SCML2: variants seen among roughly 807,000 people sequenced by gnomAD.
SCML2 encodes Scm polycomb group protein like 2.
A neutral mutation model predicts 48.4 loss-of-function variants in SCML2; 6 were observed. The ratio of observed to expected loss-of-function variants is 0.12; its 90% CI spans 0.07 to 0.24. The LOEUF is 0.24. Among genes scored for constraint, SCML2 ranks in the 10% least tolerant of loss-of-function variants. The probability of loss-of-function intolerance (pLI) is 1.00; values close to 1 mark genes in which losing one functional copy is unlikely to be tolerated. For synonymous variants in SCML2, 181 were observed against 189.5 expected (o/e 0.95, Z 0.37); for missense variants, 377 against 528.2 (o/e 0.71, Z 2.81).
chrX:18,319,290 C>T, intron 6 of SCML2, among the ~76,000 whole-genome samples: 1 of 111,259 alleles, frequency 9.0e-6, no homozygotes, highest in South Asian at 3.8e-4. Context: ...ACTCAGGAGG[C>T]TGAGGCATGA....
intron 6 of SCML2, among the ~76,000 whole-genome samples, chrX:18,308,374 G>A (rs1928835936): frequency 2.1e-5 from 2 of 94,141 alleles, no homozygotes; most frequent in Admixed American, 1.2e-4. Context: ...AGGGAGGGAG[G>A]GAGGGAAGGA....
In SCML2 at chrX:18,324,893, G is replaced by A; in HGVS notation, c.162+14C>T. On this transcript the variant is annotated intron_variant, in intron 4 of 14. Transcript: ENST00000251900. ...TAGTTTACATTAACTAACAGCTACAGAATCTTGGCATACCTGACGGAAGCA... is the reference window on the plus strand; with the variant it reads ...TAGTTTACATTAACTAACAGCTACAAAATCTTGGCATACCTGACGGAAGCA... The A allele has an allele frequency of 8.7e-7, 1 of 1,153,078 alleles. No homozygotes were observed. The highest frequency in any genetic ancestry group is 1.2e-6 in the Non-Finnish European group (1 of 845,033).
chrX:18,330,017 G>A (rs1221832161), intron 3 of SCML2, among the ~76,000 whole-genome samples: 1 of 112,243 alleles, frequency 8.9e-6, no homozygotes, highest in Non-Finnish European at 1.9e-5. Context: ...GGTGGAGGTT[G>A]CAGTGAGCCA....
intron 1 of SCML2, among the ~76,000 whole-genome samples, chrX:18,335,813 A>C (rs895827573): frequency 8.9e-6 from 1 of 112,221 alleles, no homozygotes; most frequent in Non-Finnish European, 1.9e-5. Context: ...TTCTCCCCAA[A>C]TTAATCTGCA....
chrX:18,346,611 A>G (rs1930209919), intron 1 of SCML2, among the ~76,000 whole-genome samples: 1 of 112,402 alleles, frequency 8.9e-6, no homozygotes, highest in African/African-American at 3.2e-5. Context: ...GCACAGGTAG[A>G]AAGGGTTCTT....
At chrX:18,317,821 G>A (rs1359156084) in intron 6 of SCML2, among the ~76,000 whole-genome samples, 4 of 86,494 alleles carry the variant, frequency 4.6e-5, no homozygotes, top group South Asian at 1.2e-3. Flanking sequence ...GCGACAGAGC[G>A]AGACTCCGTC....
intron 1 of SCML2, among the ~76,000 whole-genome samples, chrX:18,353,067 A>G (rs1489388051): frequency 3.7e-5 from 4 of 109,339 alleles, no homozygotes; most frequent in African/African-American, 6.7e-5. Flanking sequence ...CATAAACTCA[A>G]TCTTTTCTCA....
At chrX:18,301,243 C>A (rs1157758349) in intron 7 of SCML2, among the ~76,000 whole-genome samples, 1 of 110,311 alleles carries the variant, frequency 9.1e-6, no homozygotes, top group East Asian at 2.9e-4. Context: ...ACTAAAATTA[C>A]AAAAATTAAC....
At chrX:18,293,338 A>G (rs1928294774) in intron 7 of SCML2, among the ~76,000 whole-genome samples, 1 of 111,554 alleles carries the variant, frequency 9.0e-6, no homozygotes, top group Non-Finnish European at 1.9e-5. Context: ...CGATGCCTGA[A>G]AAAAAGCAAA....
chrX:18,275,324 C>T (rs146147422), intron 7 of SCML2, among the ~76,000 whole-genome samples: 317 of 112,462 alleles, frequency 2.8e-3, no homozygotes, highest in African/African-American at 9.6e-3. Context: ...TCACAGAGAT[C>T]GATCCTCCTT....
intron 6 of SCML2, among the ~76,000 whole-genome samples, chrX:18,311,474 T>C (rs182820223): frequency 1.8e-5 from 2 of 111,659 alleles, no homozygotes; most frequent in Non-Finnish European, 3.8e-5. Context: ...CAACTTTAAA[T>C]AGAGAAATTA....
Position 18,301,402 on chromosome X carries a change from A to G in SCML2, c.730+3570T>C, listed in dbSNP as rs758906481. The stretch of plus-strand genomic sequence containing the variant: ...GACAGAGCGAGACTCCGTCTCAGGA[A>G]AAAAAAAAATCAAAAAAGAAAAAAA... On this transcript the variant is annotated intron_variant, in intron 7 of 14. Coordinates refer to ENST00000251900, the MANE Select transcript of SCML2 (RefSeq NM_006089.3). 1.7e-3 allele frequency among the ~76,000 whole-genome samples: 184 copies of G among 109,280 alleles called. 1 individual carries two copies. Among genetic ancestry groups the G allele is most frequent in the Non-Finnish European group, 1.9e-3 (102 of 52,327 alleles). 94.9% of individuals were successfully genotyped at this position (109,280 alleles called of 115,157 possible).
At chrX:18,252,867 G>A (rs757136418) in intron 11 of SCML2, among the ~76,000 whole-genome samples, 8 of 112,246 alleles carry the variant, frequency 7.1e-5, no homozygotes, top group Non-Finnish European at 1.1e-4. Flanking sequence ...TTCCCCCATG[G>A]GATATTTGCC....
At chrX:18,335,873 T>C (rs1929794841) in intron 1 of SCML2, among the ~76,000 whole-genome samples, 1 of 112,289 alleles carries the variant, frequency 8.9e-6, no homozygotes, top group Admixed American at 9.5e-5. Flanking sequence ...CAGAGAAATA[T>C]GCTGATTCTA....
At chrX:18,346,094 T>C (rs1350650810) in intron 1 of SCML2, among the ~76,000 whole-genome samples, 1 of 110,953 alleles carries the variant, frequency 9.0e-6, no homozygotes, top group Non-Finnish European at 1.9e-5. Context: ...GCCATCATTG[T>C]TGTTCTCTGT....
intron 7 of SCML2, among the ~76,000 whole-genome samples, chrX:18,294,218 G>A (rs951369751): frequency 9.0e-6 from 1 of 111,373 alleles, no homozygotes; most frequent in African/African-American, 3.3e-5. Context: ...CCACAAAGAA[G>A]AACCAAAATA....
At chrX:18,270,028 A>T (rs865941359) in intron 7 of SCML2, among the ~76,000 whole-genome samples, 26 of 90,162 alleles carry the variant, frequency 2.9e-4, no homozygotes, top group Middle Eastern at 5.8e-3. Flanking sequence ...AGTACTATAA[A>T]TTTTTTTTTT....
chrX:18,295,773 C>A (rs182058788), intron 7 of SCML2, among the ~76,000 whole-genome samples: 1 of 112,228 alleles, frequency 8.9e-6, no homozygotes, highest in Non-Finnish European at 1.9e-5. Context: ...GCCCACCTGG[C>A]GTCCTCATCC....
At chrX:18,325,459 A>G (rs1412766100) in intron 3 of SCML2, among the ~76,000 whole-genome samples, 2 of 111,898 alleles carry the variant, frequency 1.8e-5, no homozygotes, top group Non-Finnish European at 3.8e-5. Context: ...TTATGGAAAG[A>G]AAAAAATGTG....
Sources: allele counts gnomAD v4.1 joint callset (sites outside exome capture counted in the v4.1 genomes callset), GRCh38; gene constraint gnomAD v4.1.1; transcripts MANE v1.5; gene names NCBI Gene and HGNC (gene_info 2026-07-23, HGNC 2026-07-21).